AKAP13: variants seen among roughly 807,000 people sequenced by gnomAD.
The protein encoded by AKAP13 is A-kinase anchor protein 13.
A neutral mutation model predicts 264.5 loss-of-function variants in AKAP13; 80 were observed. That is an observed-to-expected ratio of 0.30 (90% CI 0.25 to 0.36). AKAP13 has a LOEUF of 0.36. Among genes scored for constraint, AKAP13 ranks in the 10% least tolerant of loss-of-function variants. The pLI, the probability that AKAP13 is intolerant of heterozygous loss-of-function variation, is 1.00. For synonymous variants in AKAP13, 1,380 were observed against 1,250.2 expected (o/e 1.10, Z -2.19); for missense variants, 3,712 against 3,435.2 (o/e 1.08, Z -2.01).
rs771183504 is a variant in AKAP13 at position 85,619,302 on chromosome 15, C to T, written c.4162-20072C>T. 3.1e-5 allele frequency: 29 copies of T among 930,658 alleles called. No individual in the cohort carries two copies. In the East Asian group the frequency reaches 3.5e-4, roughly 11 times the overall value. The allele number at this position is 930,658 out of a possible 1,614,324, so 57.7% of individuals were successfully genotyped here. A position where few individuals can be genotyped will look rare whatever the true frequency, so the allele number is the denominator to read the frequency against. ...GCGGAGCTGAAAGGGCAAGCAGTGA[C>T]GTTCTTGAGAGAGAAGGAAAAAGGG... On this transcript the variant is annotated intron_variant, in intron 8 of 36. Transcript: ENST00000394518.
Position 85,741,569 on chromosome 15 carries a change from G to C in AKAP13, c.8058+74G>C, listed in dbSNP as rs916586952. On this transcript the variant is annotated intron_variant, in intron 35 of 36. Transcript: ENST00000394518. ...ACCCCCTGTGTATTAAGCAAGGTAA[G>C]AAAGTGAGCAGAAATATAGAGCCTG... The C allele has an allele frequency of 4.1e-6, 6 of 1,478,770 alleles. No homozygotes were observed. In the African/African-American group the frequency reaches 8.5e-5, roughly 21 times the overall value. The allele number at this position is 1,478,770 out of a possible 1,614,324, so 91.6% of individuals were successfully genotyped here.
At chr15:85,739,767 G>T (rs2088821398) in intron 33 of AKAP13, among the ~76,000 whole-genome samples, 1 of 151,670 alleles carries the variant, frequency 6.6e-6, no homozygotes, top group African/African-American at 2.4e-5. Flanking sequence ...TCAGATATTT[G>T]AACCTTTTTT....
At chr15:85,688,594 G>T (rs543280688) in intron 16 of AKAP13, among the ~76,000 whole-genome samples, 13 of 152,148 alleles carry the variant, frequency 8.5e-5, no homozygotes, top group African/African-American at 3.1e-4. Flanking sequence ...ATTCCATTCA[G>T]TTGTATAATT....
intron 1 of AKAP13, among the ~76,000 whole-genome samples, chr15:85,401,385 T>C (rs2071414631): frequency 6.6e-6 from 1 of 152,212 alleles, no homozygotes; most frequent in African/African-American, 2.4e-5. Context: ...ACGTCTCCTC[T>C]GCCAACCTGA....
intron 23 of AKAP13, among the ~76,000 whole-genome samples, chr15:85,721,634 A>G (rs1232140972): frequency 6.6e-6 from 1 of 152,152 alleles, no homozygotes; most frequent in African/African-American, 2.4e-5. Context: ...TCTCATGAAA[A>G]ACTCCTAGTG....
chr15:85,526,260 T>G (rs1567106062), intron 3 of AKAP13, among the ~76,000 whole-genome samples: 1 of 147,892 alleles, frequency 6.8e-6, no homozygotes, highest in Non-Finnish European at 1.5e-5. Flanking sequence ...CTTTCTCTCT[T>G]TTTTTTTGTT....
chr15:85,549,138 T>G (rs1485038929), intron 5 of AKAP13, among the ~76,000 whole-genome samples: 1 of 152,182 alleles, frequency 6.6e-6, no homozygotes, highest in Non-Finnish European at 1.5e-5. Context: ...ATGTCCCTAC[T>G]TGATGTAGGA....
At position 85,747,534 on chromosome 15, in the gene AKAP13, A is replaced by G. The variant is rs1048293137; in HGVS notation, c.*2857A>G. 1 of 152,610 alleles carries G rather than the reference A, an allele frequency of 6.6e-6. No homozygotes were observed. The highest frequency in any genetic ancestry group is 2.4e-5 in the African/African-American group (1 of 41,450). The allele number at this position is 152,610 out of a possible 1,614,324, so 9.5% of individuals were successfully genotyped here. Reference sequence around the variant, plus strand: ...TGGAGTTCCTATCCAGAGCCCCCAGATTTCCAGAATCGAGTGAGCTTCCTG... The same window carrying G: ...TGGAGTTCCTATCCAGAGCCCCCAGGTTTCCAGAATCGAGTGAGCTTCCTG... On this transcript the variant is annotated 3_prime_UTR_variant, in exon 37 of 37. Coordinates refer to ENST00000394518, the MANE Select transcript of AKAP13 (RefSeq NM_007200.5).
intron 8 of AKAP13, among the ~76,000 whole-genome samples, chr15:85,618,382 T>C (rs915346718): frequency 2.0e-5 from 3 of 152,192 alleles, no homozygotes; most frequent in Non-Finnish European, 4.4e-5. Flanking sequence ...AGCCACTGCT[T>C]TCACAGCCTA....
At chr15:85,438,179 A>G (rs1302673010) in intron 1 of AKAP13, among the ~76,000 whole-genome samples, 4 of 138,828 alleles carry the variant, frequency 2.9e-5, no homozygotes. Context: ...AACAACAGAC[A>G]AACAGAGAGC....
At chr15:85,622,895 A>G (rs1323766274) in intron 8 of AKAP13, among the ~76,000 whole-genome samples, 2 of 152,154 alleles carry the variant, frequency 1.3e-5, no homozygotes, top group African/African-American at 4.8e-5. Context: ...ATATAAGCGT[A>G]TGTGTTCTTT....
At position 85,719,106 on chromosome 15, in the gene AKAP13, G is replaced by A. The variant is rs778424032; in HGVS notation, c.6032G>A (p.Arg2011His). The A allele has an allele frequency of 5.0e-6, 8 of 1,614,032 alleles. No homozygotes were observed. Among genetic ancestry groups the A allele is most frequent in the South Asian group, 1.1e-5 (1 of 91,072 alleles). Residue 2011 changes from arginine to histidine, a missense_variant, in exon 23 of 37, where the codon CGC becomes CAC. By Grantham distance (29) the Arg-to-His change is conservative. Coordinates refer to ENST00000394518, the MANE Select transcript of AKAP13 (RefSeq NM_007200.5). ...ELMQTEFHHV[R>H]TLKIMSGVYS... ...ATGCAGACAGAGTTTCATCATGTCCGCACTCTCAAGATCATGAGTGGTGTG... is the reference window on the plus strand; with the variant it reads ...ATGCAGACAGAGTTTCATCATGTCCACACTCTCAAGATCATGAGTGGTGTG...
chr15:85,396,738 G>A (rs1438054993), intron 1 of AKAP13, among the ~76,000 whole-genome samples: 3 of 152,086 alleles, frequency 2.0e-5, no homozygotes, highest in Admixed American at 2.0e-4. Context: ...GTGCTGAGTA[G>A]CCTGTTTTCC....
chr15:85,596,905 T>G (rs2079846113), intron 8 of AKAP13, among the ~76,000 whole-genome samples: 2 of 152,116 alleles, frequency 1.3e-5, no homozygotes, highest in Admixed American at 1.3e-4. Context: ...TCTGGGAAGT[T>G]TTTGCTGAAC....
At chr15:85,613,453 G>T (rs1020373863) in intron 8 of AKAP13, among the ~76,000 whole-genome samples, 2 of 151,886 alleles carry the variant, frequency 1.3e-5, no homozygotes, top group African/African-American at 4.8e-5. Context: ...AGTCCAAGGC[G>T]GGTGGATCAC....
chr15:85,735,633 A>G lies in AKAP13; in HGVS notation c.7512+3A>G, dbSNP rs776189969. On this transcript the variant is annotated splice_donor_region_variant and intron_variant, in intron 32 of 36. Transcript: ENST00000394518. ...AATCAGATAGTGGCCTAAAAAAGGT[A>G]TTTCTCTTTAAAATACACCATGAAC... is the stretch of plus-strand genomic sequence containing the variant. 6.2e-7 allele frequency: 1 copy of G among 1,611,628 alleles called. No individual in the cohort carries two copies. The highest frequency in any genetic ancestry group is 8.5e-7 in the Non-Finnish European group (1 of 1,179,098).
intron 1 of AKAP13, among the ~76,000 whole-genome samples, chr15:85,417,235 G>C (rs1379798421): frequency 6.6e-6 from 1 of 152,148 alleles, no homozygotes; most frequent in Non-Finnish European, 1.5e-5. Flanking sequence ...TCTTTAATAT[G>C]TGCCAGATGA....
chr15:85,477,262 T>C (rs2075196845), intron 1 of AKAP13, among the ~76,000 whole-genome samples: 1 of 151,550 alleles, frequency 6.6e-6, no homozygotes, highest in Admixed American at 6.6e-5. Context: ...TTTCTCAGGG[T>C]GATAAGGCCC....
intron 1 of AKAP13, among the ~76,000 whole-genome samples, chr15:85,388,392 ATG>A (rs2070691070): frequency 6.6e-6 from 1 of 152,106 alleles, no homozygotes. Context: ...CCTCAGTGTA[ATG>A]TGTAATAGGA....
Sources: gnomAD v4.1 joint callset for allele counts (sites outside exome capture counted in the v4.1 genomes callset) on GRCh38, gnomAD v4.1.1 for gene constraint, MANE v1.5 for transcripts, NCBI Gene and HGNC (gene_info 2026-07-23, HGNC 2026-07-21) for gene names.